DGUOK: variants seen among roughly 807,000 people sequenced by gnomAD.
DGUOK encodes deoxyguanosine kinase, mitochondrial.
Under a neutral mutation model 36.6 loss-of-function variants are expected in DGUOK, and 30 were observed. The ratio of observed to expected loss-of-function variants is 0.82; its 90% CI spans 0.61 to 1.11. The LOEUF is 1.11. DGUOK is among the 50% of genes most tolerant of loss of function. The probability of loss-of-function intolerance (pLI) is 0.00; values close to 1 mark genes in which losing one functional copy is unlikely to be tolerated. For synonymous variants in DGUOK, 145 were observed against 126.3 expected (o/e 1.15, Z -0.99); for missense variants, 361 against 336.4 (o/e 1.07, Z -0.57).
At chr2:73,935,222 C>CA (rs890914069) in intron 1 of DGUOK, among the ~76,000 whole-genome samples, 17 of 152,212 alleles carry the variant, frequency 1.1e-4, no homozygotes, top group Admixed American at 9.2e-4. Flanking sequence ...GCCTGGGTGA[C>CA]AGAGAGAGAC....
chr2:73,935,275 C>T (rs1462991304), intron 1 of DGUOK, among the ~76,000 whole-genome samples: 1 of 152,098 alleles, frequency 6.6e-6, no homozygotes, highest in Non-Finnish European at 1.5e-5. Context: ...TGGGATCTAA[C>T]TAAATTGCAG....
chr2:73,953,287 ATCATCGTCGTCG>A (rs1682832197), intron 4 of DGUOK, among the ~76,000 whole-genome samples: 1 of 94,852 alleles, frequency 1.1e-5, no homozygotes, highest in Non-Finnish European at 2.4e-5. Context: ...GATCATCATC[ATCATCGTCGTCG>A]TCGTCGTCGT....
At chr2:73,956,992 A>G (rs2104999350) in intron 4 of DGUOK, 133 bp from the exon 5 acceptor site, 1 of 600,160 alleles carries the variant, frequency 1.7e-6, no homozygotes, top group Non-Finnish European at 3.1e-6. Flanking sequence ...TAAGAAAACA[A>G]GACAGCAGAA....
intron 4 of DGUOK, among the ~76,000 whole-genome samples, chr2:73,952,608 G>A (rs1207316180): frequency 1.3e-5 from 2 of 152,236 alleles, no homozygotes; most frequent in Non-Finnish European, 2.9e-5. Context: ...AGGTTCTCAG[G>A]ACGAGCTGAG....
At chr2:73,946,966 TTGCACAGATCC>T in intron 3 of DGUOK, 60 bp downstream of exon 3, 1 of 1,453,472 alleles carries the variant, frequency 6.9e-7, no homozygotes, top group Non-Finnish European at 9.5e-7. Flanking sequence ...CTGTTTGATC[TTGCACAGATCC>T]TGCACTGCTA....
In DGUOK at chr2:73,939,016, C is replaced by G. The variant is rs1681698795; in HGVS notation, c.249C>G (p.Thr83=). Residue 83 remains threonine (T), a synonymous_variant, in exon 2 of 7, where the codon ACC becomes ACG. Coordinates refer to ENST00000264093, the MANE Select transcript of DGUOK (RefSeq NM_080916.3). ...ATWQNIQAAG[T]QKACTAQSLG... is the part of the protein sequence containing the mutation. The stretch of plus-strand genomic sequence containing the variant: ...GGCAGAATATCCAGGCTGCTGGCAC[C>G]CAAAAAGTAAGTTTTTAGTTGTGGT... The G allele has an allele frequency of 6.2e-7, 1 of 1,612,752 alleles. No homozygotes were observed. The highest frequency in any genetic ancestry group is 1.7e-5 in the Admixed American group (1 of 59,994).
chr2:73,931,486 G>A (rs1054269020), intron 1 of DGUOK, among the ~76,000 whole-genome samples: 4 of 152,354 alleles, frequency 2.6e-5, no homozygotes, highest in African/African-American at 9.6e-5. Flanking sequence ...TGTGCCTGGA[G>A]TTGAAGGGAC....
intron 4 of DGUOK, among the ~76,000 whole-genome samples, chr2:73,953,596 A>G (rs185752161): frequency 2.9e-4 from 44 of 152,054 alleles, no homozygotes; most frequent in African/African-American, 9.9e-4. Flanking sequence ...TCCTGTCACT[A>G]TGTAAAAAGC....
chr2:73,926,999 G>C lies in DGUOK; in HGVS notation c.89G>C (p.Arg30Thr). The change falls in exon 1 of 7, where the codon AGA becomes ACA. Residue 30 changes from arginine to threonine, a missense_variant. Coordinates refer to ENST00000264093, the MANE Select transcript of DGUOK (RefSeq NM_080916.3). Reference sequence around the variant, plus strand: ...CCACTCGAGGGCGTTTCCTCCTCCAGAGGCCTGCACGCGGGGCGCGGGCCC... The same window carrying C: ...CCACTCGAGGGCGTTTCCTCCTCCACAGGCCTGCACGCGGGGCGCGGGCCC... ...KSPLEGVSSS[R>T]GLHAGRGPRR... 1.9e-6 allele frequency: 3 copies of C among 1,612,046 alleles called. No individual in the cohort carries two copies. The highest frequency in any genetic ancestry group is 2.5e-6 in the Non-Finnish European group (3 of 1,180,030).
In DGUOK at chr2:73,930,782, C is replaced by CTTTTTTTTTTTTTTTTT. The variant is rs1020072202; in HGVS notation, c.142+3741_142+3742insTTTTTTTTTTTTTTTTT. 7.3e-5 allele frequency among the ~76,000 whole-genome samples: 7 copies of CTTTTTTTTTTTTTTTTT among 95,476 alleles called. 3 individuals are homozygous for CTTTTTTTTTTTTTTTTT. The highest frequency in any genetic ancestry group is 1.1e-4 in the African/African-American group (3 of 26,748). 62.6% of individuals were successfully genotyped at this position (95,476 alleles called of 152,430 possible). A position where few individuals can be genotyped will look rare whatever the true frequency, so the allele number is the denominator to read the frequency against. ...GAGAAAACAGATTCGACATAATTTT[C>CTTTTTTTTTTTTTTTTT]TTTTTTTTTTTCTTTTTTTTTTTTT... On this transcript the variant is annotated intron_variant, in intron 1 of 6. Coordinates refer to ENST00000264093, the MANE Select transcript of DGUOK (RefSeq NM_080916.3).
At chr2:73,930,004 G>A (rs1281759359) in intron 1 of DGUOK, among the ~76,000 whole-genome samples, 2 of 152,174 alleles carry the variant, frequency 1.3e-5, no homozygotes, top group Non-Finnish European at 2.9e-5. Context: ...TTGGTAAATC[G>A]GGACAGAGGA....
At chr2:73,955,726 T>C (rs905774586) in intron 4 of DGUOK, among the ~76,000 whole-genome samples, 1 of 151,916 alleles carries the variant, frequency 6.6e-6, no homozygotes, top group Non-Finnish European at 1.5e-5. Context: ...TACAAAAAAT[T>C]AGTTGGGCGT....
intron 3 of DGUOK, chr2:73,947,203 G>A: frequency 2.4e-6 from 1 of 420,626 alleles, no homozygotes; most frequent in Non-Finnish European, 4.5e-6. Flanking sequence ...GCCACCTAAT[G>A]TAACCATCAC....
chr2:73,950,461 T>G, intron 3 of DGUOK, 124 bp from the exon 4 acceptor site: 1 of 1,007,978 alleles, frequency 9.9e-7, no homozygotes, highest in Non-Finnish European at 1.6e-6. Flanking sequence ...CTAGAAAGGT[T>G]AAGTGGTTTG....
chr2:73,932,341 C>T (rs953163932), intron 1 of DGUOK, among the ~76,000 whole-genome samples: 1 of 152,178 alleles, frequency 6.6e-6, no homozygotes, highest in East Asian at 1.9e-4. Context: ...ATTTTGTACC[C>T]ACAACTGCTG....
intron 2 of DGUOK, 108 bp from the exon 3 acceptor site, chr2:73,946,611 T>G: frequency 1.0e-6 from 1 of 1,000,190 alleles, no homozygotes; most frequent in Non-Finnish European, 1.5e-6. Context: ...TCTTCTTTCA[T>G]TGATTATTAA....
At chr2:73,952,420 G>A (rs1682765989) in intron 4 of DGUOK, among the ~76,000 whole-genome samples, 1 of 152,222 alleles carries the variant, frequency 6.6e-6, no homozygotes, top group African/African-American at 2.4e-5. Context: ...AGTTTGAAGT[G>A]TCAAAGTGTA....
chr2:73,946,236 T>G (rs1457593652), intron 2 of DGUOK, among the ~76,000 whole-genome samples: 1 of 152,198 alleles, frequency 6.6e-6, no homozygotes, highest in Non-Finnish European at 1.5e-5. Context: ...GGTGGTTGAT[T>G]GGTTGGATTT....
chr2:73,953,924 T>C (rs551675747), intron 4 of DGUOK, among the ~76,000 whole-genome samples: 41 of 152,144 alleles, frequency 2.7e-4, no homozygotes, highest in African/African-American at 9.2e-4. Context: ...GGTTTCACCA[T>C]GTTAGCCAGG....
Sources: gnomAD v4.1 joint callset for allele counts (sites outside exome capture counted in the v4.1 genomes callset) on GRCh38, gnomAD v4.1.1 for gene constraint, MANE v1.5 for transcripts, NCBI Gene and HGNC (gene_info 2026-07-23, HGNC 2026-07-21) for gene names.